Variants in CKAP5 observed in about 807,000 individuals in gnomAD.
CKAP5 encodes cytoskeleton-associated protein 5.
A neutral mutation model predicts 232.8 loss-of-function variants in CKAP5; 27 were observed. The observed-to-expected ratio is 0.12, with a 90% CI of 0.09 to 0.16. The LOEUF (loss-of-function observed/expected upper bound fraction) is 0.16, where lower values mean the gene tolerates loss of function less well. CKAP5 is among the 10% of genes least tolerant of loss of function. The pLI is 1.00. For synonymous variants in CKAP5, 785 were observed against 841.1 expected (o/e 0.93, Z 1.16); for missense variants, 1,838 against 2,424.7 (o/e 0.76, Z 5.08).
chr11:46,838,731 T>G (rs200311084), intron 1 of CKAP5, among the ~76,000 whole-genome samples: 1 of 132,550 alleles, frequency 7.5e-6, no homozygotes, highest in African/African-American at 2.9e-5. Flanking sequence ...GAGGTGAAGG[T>G]TGCAGTAAGC....
chr11:46,792,091 G>T (rs1592460846), intron 13 of CKAP5, among the ~76,000 whole-genome samples: 1 of 152,152 alleles, frequency 6.6e-6, no homozygotes, highest in South Asian at 2.1e-4. Flanking sequence ...AAAAGGATTT[G>T]CATTCTAACC....
chr11:46,756,116 C>CAGT (rs1490554920), intron 35 of CKAP5, among the ~76,000 whole-genome samples: 1 of 152,140 alleles, frequency 6.6e-6, no homozygotes, highest in Non-Finnish European at 1.5e-5. Context: ...TGTTCTGTTG[C>CAGT]AGTACACTGG....
chr11:46,765,527 A>G (rs1038675031), intron 27 of CKAP5, among the ~76,000 whole-genome samples: 1 of 151,644 alleles, frequency 6.6e-6, no homozygotes, highest in Non-Finnish European at 1.5e-5. Flanking sequence ...TCATTAGTCT[A>G]GGTCACAAAC....
Position 46,760,633 on chromosome 11 carries a change from T to G in CKAP5, c.4373A>C (p.Glu1458Ala), listed in dbSNP as rs1449604606. The change falls in exon 33 of 44, where the codon GAG (glutamate) becomes GCG (alanine). Residue 1458 changes from glutamate to alanine, a missense_variant. Physicochemically the swap from Glu to Ala is moderately radical, Grantham distance 107 (BLOSUM62 -1). Transcript: ENST00000529230. Reference protein sequence around the residue: ...NANMLRKGPAEDMSSKLNQAR... With the variant: ...NANMLRKGPAADMSSKLNQAR... ...ATACTTGAGTTTGGAAGACATGTCC[T>G]CAGCTGGTCCCTTGCGTAACATGTT... is the stretch of plus-strand genomic sequence containing the variant. The G allele has an allele frequency of 6.2e-7, 1 of 1,614,214 alleles. No individual in the cohort carries two copies. The highest frequency in any genetic ancestry group is 1.7e-5 in the Admixed American group (1 of 60,022).
chr11:46,785,132 G>C (rs1480644148), intron 16 of CKAP5, among the ~76,000 whole-genome samples: 2 of 152,136 alleles, frequency 1.3e-5, no homozygotes, highest in African/African-American at 2.4e-5. Flanking sequence ...TAGAGAACTT[G>C]TTGGCTTTTA....
intron 26 of CKAP5, among the ~76,000 whole-genome samples, chr11:46,769,252 C>A (rs897337681): frequency 6.6e-6 from 1 of 152,164 alleles, no homozygotes. Context: ...ATAAAGAAAT[C>A]AAGAATTATC....
At chr11:46,752,193 TACACACACACACACAC>T (rs1156472710) in intron 38 of CKAP5, among the ~76,000 whole-genome samples, 6 of 66,570 alleles carry the variant, frequency 9.0e-5, no homozygotes, top group African/African-American at 2.6e-4. Context: ...TATATATATA[TACACACACACACACAC>T]ACACACACAC....
At chr11:46,767,917 C>T (rs1446445414) in intron 26 of CKAP5, among the ~76,000 whole-genome samples, 1 of 151,538 alleles carries the variant, frequency 6.6e-6, no homozygotes, top group Admixed American at 6.6e-5. Context: ...CTCAGCCTCC[C>T]TAGTAGCTGG....
chr11:46,842,930 G>A (rs943248148), intron 1 of CKAP5, among the ~76,000 whole-genome samples: 6 of 129,982 alleles, frequency 4.6e-5, no homozygotes, highest in African/African-American at 9.1e-5. Flanking sequence ...TCGCGCCACC[G>A]CACTCCAGCC....
At chr11:46,763,702 G>A in intron 28 of CKAP5, 72 bp from the exon 29 acceptor site, 1 of 941,918 alleles carries the variant, frequency 1.1e-6, no homozygotes. Context: ...CTTATATAAT[G>A]CAGCTGCAGG....
intron 42 of CKAP5, among the ~76,000 whole-genome samples, chr11:46,746,763 A>T (rs377345086): frequency 1.3e-5 from 2 of 152,372 alleles, no homozygotes; most frequent in African/African-American, 4.8e-5. Flanking sequence ...CACTTAGGCT[A>T]CACTAAACTT....
rs775759199 is a variant in CKAP5, at chr11:46,765,110, CG to C, written c.3537+20del. 4.8e-5 allele frequency: 76 copies of C among 1,598,084 alleles called. 1 individual carries two copies. In the East Asian group the frequency reaches 1.7e-3, roughly 36 times the overall value. On this transcript the variant is annotated intron_variant, in intron 28 of 43. Transcript: ENST00000529230. ...AACAATACAAGCAAAAATCTCCTGA[CG>C]ATTCTTAATCCTTCCTTACCTTCAA... is the stretch of plus-strand genomic sequence containing the variant.
At chr11:46,800,398 T>C (rs1335735240) in intron 9 of CKAP5, among the ~76,000 whole-genome samples, 1 of 152,184 alleles carries the variant, frequency 6.6e-6, no homozygotes, top group East Asian at 1.9e-4. Context: ...CAATATAAAA[T>C]GGACACATGA....
chr11:46,807,761 T>C (rs1939190336), intron 8 of CKAP5, among the ~76,000 whole-genome samples: 1 of 152,222 alleles, frequency 6.6e-6, no homozygotes, highest in Non-Finnish European at 1.5e-5. Context: ...GAAAATGTAG[T>C]TCTAGATCAG....
At chr11:46,846,087 C>G (rs1940184012) in intron 1 of CKAP5, 133 bp downstream of exon 1, 1 of 152,102 alleles carries the variant, frequency 6.6e-6, no homozygotes, top group Admixed American at 6.5e-5. Context: ...CCGCCTCAGA[C>G]CTGCCGGGTT....
At position 46,758,200 on chromosome 11, in the gene CKAP5, C is replaced by T. The variant is rs1402497006; in HGVS notation, c.4689+723G>A. Among the ~76,000 whole-genome samples the T allele has an allele frequency of 2.0e-5, 3 of 152,192 alleles. 1 individual carries two copies. The highest frequency in any genetic ancestry group is 7.2e-5 in the African/African-American group (3 of 41,436). On this transcript the variant is annotated intron_variant, in intron 35 of 43. Coordinates refer to ENST00000529230, the MANE Select transcript of CKAP5 (RefSeq NM_001008938.4). ...ATTCTGTATCATTGTCCCCCTTTAA[C>T]ACTATGCTCCAGGCACATGAACCTT...
In CKAP5 at chr11:46,761,676, G is replaced by A. The variant is rs73456106; in HGVS notation, c.4221+324C>T. On this transcript the variant is annotated intron_variant, in intron 32 of 43. Coordinates refer to ENST00000529230, the MANE Select transcript of CKAP5 (RefSeq NM_001008938.4). ...ATAAGCACTTTTTAACCAAAAACTCGATGCAGTAAAAATTACAGAGCAGAC... is the reference window on the plus strand; with the variant it reads ...ATAAGCACTTTTTAACCAAAAACTCAATGCAGTAAAAATTACAGAGCAGAC... Among the ~76,000 whole-genome samples the A allele has an allele frequency of 1.6e-3, 243 of 152,248 alleles. 1 individual carries two copies. The highest frequency in any genetic ancestry group is 5.6e-3 in the African/African-American group (234 of 41,538).
intron 4 of CKAP5, among the ~76,000 whole-genome samples, chr11:46,815,441 C>T (rs1202208431): frequency 2.0e-5 from 3 of 152,088 alleles, no homozygotes; most frequent in South Asian, 2.1e-4. Flanking sequence ...CCTAGAACTT[C>T]TAGACTCAAG....
intron 36 of CKAP5, 118 bp downstream of exon 36, chr11:46,754,770 T>A (rs779009141): frequency 3.6e-5 from 28 of 779,546 alleles, no homozygotes; most frequent in Non-Finnish European, 5.0e-5. Flanking sequence ...ATACAATGCA[T>A]GTAAAATTCT....
Sources: gnomAD v4.1 joint callset for allele counts (sites outside exome capture counted in the v4.1 genomes callset) on GRCh38, gnomAD v4.1.1 for gene constraint, MANE v1.5 for transcripts, NCBI Gene and HGNC (gene_info 2026-07-23, HGNC 2026-07-21) for gene names.